The following UGT1A1 variants were observed in gnomAD, a reference collection of about 807,000 sequenced individuals.
UGT1A1 encodes UDP-glucuronosyltransferase 1A1.
A neutral mutation model predicts 40.6 loss-of-function variants in UGT1A1; 33 were observed. The observed-to-expected ratio is 0.81, with a 90% CI of 0.62 to 1.09. The LOEUF is 1.09. Among genes scored for constraint, UGT1A1 ranks in the 50% least tolerant of loss-of-function variants. UGT1A1 has a pLI of 0.00. For synonymous variants in UGT1A1, 249 were observed against 265.0 expected (o/e 0.94, Z 0.59); for missense variants, 694 against 671.2 (o/e 1.03, Z -0.38).
Position 233,760,664 on chromosome 2 carries a change from G to T in UGT1A1, c.377G>T (p.Gly126Val). 3 of 1,614,182 alleles carry T rather than the reference G, an allele frequency of 1.9e-6. No individual in the cohort carries two copies. Among genetic ancestry groups the T allele is most frequent in the Non-Finnish European group, 2.5e-6 (3 of 1,180,040 alleles). The part of the protein sequence containing the change: ...IKKDSAMLLS[G>V]CSHLLHNKEL... ...AAGGACTCTGCTATGCTTTTGTCTG[G>T]CTGTTCCCACTTACTGCACAACAAG... Residue 126 changes from glycine to valine, a missense_variant, in exon 1 of 5, where the codon GGC (glycine) becomes GTC (valine). Physicochemically the swap from Gly to Val is moderately radical, Grantham distance 109 (BLOSUM62 -3). Transcript: ENST00000305208.
chr2:233,762,199 A>G (rs532806601), intron 1 of UGT1A1, among the ~76,000 whole-genome samples: 7 of 152,296 alleles, frequency 4.6e-5, no homozygotes, highest in Admixed American at 6.5e-5. Context: ...ATGGGTCTGC[A>G]TGTATTTGGC....
chr2:233,768,319 G>A lies in UGT1A1; in HGVS notation c.1184G>A (p.Gly395Asp), dbSNP rs367897068. The A allele has an allele frequency of 6.2e-7, 1 of 1,614,162 alleles. No homozygotes were observed. Among genetic ancestry groups the A allele is most frequent in the Non-Finnish European group, 8.5e-7 (1 of 1,180,044 alleles). The change falls in exon 4 of 5, where the codon GGT (glycine) becomes GAT (aspartate). Residue 395 changes from glycine (G) to aspartate (D), a missense_variant. Gly to Asp is a moderately conservative substitution (Grantham distance 94). Transcript: ENST00000305208. ...CCCATGGTGATGATGCCCTTGTTTG[G>A]TGATCAGATGGACAATGCAAAGCGC... ...GVPMVMMPLF[G>D]DQMDNAKRME...
chr2:233,764,622 A>G (rs1698606670), intron 1 of UGT1A1, among the ~76,000 whole-genome samples: 1 of 152,124 alleles, frequency 6.6e-6, no homozygotes. Flanking sequence ...GGTTTCATGA[A>G]GAGCAAAGGT....
intron 1 of UGT1A1, among the ~76,000 whole-genome samples, chr2:233,764,385 C>T (rs1299567681): frequency 6.6e-6 from 1 of 152,140 alleles, no homozygotes; most frequent in South Asian, 2.1e-4. Flanking sequence ...AGGAGTTGGC[C>T]GTGATGACAA....
chr2:233,770,501 T>C (rs956860149), intron 4 of UGT1A1: 6 of 151,776 alleles, frequency 4.0e-5, no homozygotes, highest in African/African-American at 1.5e-4. Context: ...CAAAAAAATA[T>C]AAAAAAATTA....
At position 233,760,396 on chromosome 2, in the gene UGT1A1, G is replaced by A. The variant is rs1697431780; in HGVS notation, c.109G>A (p.Gly37Ser). Reference sequence around the variant, plus strand: ...GAAGATACTGTTGATCCCAGTGGATGGCAGCCACTGGCTGAGCATGCTTGG... The same window carrying A: ...GAAGATACTGTTGATCCCAGTGGATAGCAGCCACTGGCTGAGCATGCTTGG... ...AGKILLIPVD[G>S]SHWLSMLGAI... The change falls in exon 1 of 5, where the codon GGC becomes AGC. Residue 37 changes from glycine (G) to serine (S), a missense_variant. Transcript: ENST00000305208. 6.2e-7 allele frequency: 1 copy of A among 1,614,010 alleles called. No individual in the cohort carries two copies. The highest frequency in any genetic ancestry group is 1.3e-5 in the African/African-American group (1 of 74,932).
At chr2:233,765,778 A>G (rs1698945501) in intron 1 of UGT1A1, among the ~76,000 whole-genome samples, 2 of 152,070 alleles carry the variant, frequency 1.3e-5, no homozygotes, top group African/African-American at 2.4e-5. Context: ...GATTCATTGG[A>G]CCACTGAAAA....
At chr2:233,763,024 G>T (rs187872342) in intron 1 of UGT1A1, among the ~76,000 whole-genome samples, 17 of 152,244 alleles carry the variant, frequency 1.1e-4, no homozygotes, top group Middle Eastern at 3.4e-3. Flanking sequence ...CATTATGTTA[G>T]CCATTGTTTT....
chr2:233,769,404 C>A lies in UGT1A1; in HGVS notation c.1304+965C>A. The A allele has an allele frequency of 8.2e-7, 1 of 1,225,146 alleles. No homozygotes were observed. The highest frequency in any genetic ancestry group is 1.2e-6 in the Non-Finnish European group (1 of 856,112). The allele number at this position is 1,225,146 out of a possible 1,614,324, so 75.9% of individuals were successfully genotyped here. ...ACAATAGATACTGTGTGCATATGTGCGTGTGCGTTTGTGCATGTGGCTGTG... is the reference window on the plus strand; with the variant it reads ...ACAATAGATACTGTGTGCATATGTGAGTGTGCGTTTGTGCATGTGGCTGTG... On this transcript the variant is annotated intron_variant, in intron 4 of 4. Transcript: ENST00000305208. The surrounding 1 kb of genome is among the most constrained non-coding windows in gnomAD (Gnocchi z 4.4).
At position 233,767,903 on chromosome 2, in the gene UGT1A1, CTTG is replaced by C; in HGVS notation, c.1054_1056del (p.Val352del). On this transcript the variant is annotated inframe_deletion, in exon 3 of 5. Coordinates refer to ENST00000305208, the MANE Select transcript of UGT1A1 (RefSeq NM_000463.3). ...ATCGAATCTTGCGAACAACACGATA[CTTG>C]TTAAGTGGCTACCCCAAAACGATCT... 1 of 1,614,178 alleles carries C rather than the reference CTTG, an allele frequency of 6.2e-7. No individual in the cohort carries two copies.
At chr2:233,762,544 T>C (rs755070967) in intron 1 of UGT1A1, among the ~76,000 whole-genome samples, 100 of 152,370 alleles carry the variant, frequency 6.6e-4, no homozygotes, top group Middle Eastern at 6.8e-3. Flanking sequence ...TACCACAGTG[T>C]ATTCTGCTGG....
intron 1 of UGT1A1, among the ~76,000 whole-genome samples, chr2:233,766,438 G>A (rs1233276669): frequency 2.6e-5 from 4 of 152,194 alleles, no homozygotes; most frequent in Non-Finnish European, 5.9e-5. Flanking sequence ...AGCTACCTGT[G>A]TGTCTGCCTG....
intron 1 of UGT1A1, among the ~76,000 whole-genome samples, chr2:233,762,430 C>G (rs796065862): frequency 1.7e-4 from 26 of 152,296 alleles, no homozygotes; most frequent in African/African-American, 6.3e-4. Context: ...AATAGAGTAA[C>G]AGTGTATTCC....
chr2:233,765,231 A>G (rs1698784494), intron 1 of UGT1A1, among the ~76,000 whole-genome samples: 1 of 152,148 alleles, frequency 6.6e-6, no homozygotes, highest in African/African-American at 2.4e-5. Context: ...ACATAAAACC[A>G]TAGACTCAGT....
intron 1 of UGT1A1, among the ~76,000 whole-genome samples, chr2:233,766,257 AGTGGCCCGGGCTCG>A (rs36213637): frequency 0.33 from 50,708 of 151,412 alleles, 8,925 homozygotes; most frequent in African/African-American, 0.42. Context: ...CAGACCGCTC[AGTGGCCCGGGCTCG>A]GTGGCCCGGG....
At chr2:233,766,909 C>G in intron 1 of UGT1A1, 125 bp from the exon 2 acceptor site, 2 of 1,513,870 alleles carry the variant, frequency 1.3e-6, no homozygotes, top group South Asian at 1.3e-5. Flanking sequence ...ATTTTTTACT[C>G]TATCTCAAAC....
intron 3 of UGT1A1, 27 bp downstream of exon 3, chr2:233,767,963 G>A: frequency 1.2e-6 from 2 of 1,614,136 alleles, no homozygotes; most frequent in Non-Finnish European, 1.7e-6. Context: ...GGATGTATAG[G>A]TCAAACCAGG....
rs1029804751 is a variant in UGT1A1, at chr2:233,760,707, G to A, written c.420G>A (p.Leu140=). ...ACAACAAGGAGCTCATGGCCTCCCT[G>A]GCAGAAAGCAGCTTTGATGTCATGC... ...LLHNKELMAS[L]AESSFDVMLT... Residue 140 remains leucine (L), a synonymous_variant, in exon 1 of 5, where the codon CTG becomes CTA. Transcript: ENST00000305208. 6.8e-6 allele frequency: 11 copies of A among 1,614,064 alleles called. No individual in the cohort carries two copies. The East Asian group carries it at 8.9e-5, about 13-fold the overall frequency.
Position 233,768,243 on chromosome 2 carries a change from A to T in UGT1A1, c.1108A>T (p.Ile370Phe). The T allele has an allele frequency of 6.2e-7, 1 of 1,614,146 alleles. No individual in the cohort carries two copies. The highest frequency in any genetic ancestry group is 8.5e-7 in the Non-Finnish European group (1 of 1,180,022). Residue 370 changes from isoleucine to phenylalanine, a missense_variant, in exon 4 of 5, where the codon ATC (isoleucine) becomes TTC (phenylalanine). Ile to Phe is a conservative substitution (Grantham distance 21). Transcript: ENST00000305208. The part of the protein sequence containing the change: ...LLGHPMTRAF[I>F]THAGSHGVYE... Reference sequence around the variant, plus strand: ...AGGTCACCCGATGACCCGTGCCTTTATCACCCATGCTGGTTCCCATGGTGT... The same window carrying T: ...AGGTCACCCGATGACCCGTGCCTTTTTCACCCATGCTGGTTCCCATGGTGT...
Sources: gnomAD v4.1 joint callset for allele counts (sites outside exome capture counted in the v4.1 genomes callset) on GRCh38, gnomAD v4.1.1 for gene constraint, Gnocchi (gnomAD v3.1) non-coding constraint, MANE v1.5 for transcripts, NCBI Gene and HGNC (gene_info 2026-07-23, HGNC 2026-07-21) for gene names.